Variants in AGER observed in about 807,000 individuals in gnomAD.
AGER encodes the protein advanced glycation end product-specific receptor.
A neutral mutation model predicts 48.8 loss-of-function variants in AGER; 46 were observed. The observed-to-expected ratio is 0.94, with a 90% CI of 0.74 to 1.20. AGER has a LOEUF of 1.20. Among genes scored for constraint, AGER ranks in the 50% most tolerant of loss-of-function variants. The pLI is 0.00. For missense variants in AGER, 489 were observed against 515.0 expected (o/e 0.95, Z 0.49); for synonymous variants, 170 against 199.9 (o/e 0.85, Z 1.26).
intron 4 of AGER, 47 bp from the exon 5 acceptor site, chr6:32,183,248 C>G: frequency 6.2e-7 from 1 of 1,611,918 alleles, no homozygotes; most frequent in Non-Finnish European, 8.5e-7. Context: ...ATGAGAGATG[C>G]CACACACCCA....
chr6:32,183,459 C>G, intron 3 of AGER, 71 bp from the exon 4 acceptor site: 2 of 1,605,900 alleles, frequency 1.2e-6, no homozygotes, highest in Non-Finnish European at 1.7e-6. Flanking sequence ...GGAAATGAGG[C>G]CAGTGGAAGT....
rs971829597 is a variant in AGER, at chr6:32,183,951, A to G, written c.89T>C (p.Ile30Thr). 1 of 1,613,022 alleles carries G rather than the reference A, an allele frequency of 6.2e-7. No individual in the cohort carries two copies. The highest frequency in any genetic ancestry group is 1.7e-5 in the Admixed American group (1 of 60,016). Reference protein sequence around the residue: ...VVGAQNITARIGEPLVLKCKG... With the variant: ...VVGAQNITARTGEPLVLKCKG... ...ACACTTCAGCACCAGTGGCTCGCCAATCCGGGCTGTGATGTTTTGAGCACC... is the reference window on the plus strand; with the variant it reads ...ACACTTCAGCACCAGTGGCTCGCCAGTCCGGGCTGTGATGTTTTGAGCACC... Residue 30 changes from isoleucine to threonine, a missense_variant, in exon 2 of 11, where the codon ATT (isoleucine) becomes ACT (threonine). Ile to Thr is a moderately conservative substitution (Grantham distance 89, BLOSUM62 -1). Coordinates refer to ENST00000375076, the MANE Select transcript of AGER (RefSeq NM_001136.5).
Position 32,182,571 on chromosome 6 carries a change from C to T in AGER, c.819G>A (p.Lys273=), listed in dbSNP as rs1476962264. 6.2e-7 allele frequency: 1 copy of T among 1,612,968 alleles called. No homozygotes were observed. The highest frequency in any genetic ancestry group is 8.5e-7 in the Non-Finnish European group (1 of 1,180,028). The change falls in exon 7 of 11, where the codon AAG becomes AAA. Residue 273 remains lysine, a synonymous_variant. Transcript: ENST00000375076. The surrounding 1 kb of genome is among the most constrained non-coding windows in gnomAD (Gnocchi z 5.1). The part of the protein sequence containing the change: ...AQPSPQIHWM[K]DGVPLPLPPS... ...CCCCTCTCTCCAGGTCACTCACATC[C>T]TTCATCCAGTGGATTTGAGGAGAGG...
rs1368556104 is a variant in AGER, at chr6:32,181,270, C to T, written c.1119-31G>A. On this transcript the variant is annotated intron_variant, in intron 10 of 10. Transcript: ENST00000375076. The surrounding 1 kb of genome is among the most constrained non-coding windows in gnomAD (Gnocchi z 4.1). ...GAGAAAGATTGGGGGGAATGCGGCA[C>T]GTTGTCGTTCCACCCCCCGACCCCT... 9 of 1,613,806 alleles carry T rather than the reference C, an allele frequency of 5.6e-6. No individual in the cohort carries two copies. Among genetic ancestry groups the T allele is most frequent in the African/African-American group, 5.3e-5 (4 of 74,928 alleles).
In AGER at chr6:32,182,952, C is replaced by T; in HGVS notation, c.580G>A (p.Val194Met). The T allele has an allele frequency of 6.2e-7, 1 of 1,612,732 alleles. No homozygotes were observed. The highest frequency in any genetic ancestry group is 2.2e-5 in the East Asian group (1 of 44,882). ...GLFTLQSELM[V>M]TPARGGDPRP... ...GGATCTCCTCCCCGGGCTGGGGTCA[C>T]CATTAGCTCCGACTGCAGTGTGAAG... Residue 194 changes from valine (V) to methionine (M), a missense_variant, in exon 6 of 11, where the codon GTG (valine) becomes ATG (methionine). By Grantham distance (21) the Val-to-Met change is conservative. Transcript: ENST00000375076. The surrounding 1 kb of genome is among the most constrained non-coding windows in gnomAD (Gnocchi z 5.1).
In AGER at chr6:32,183,552, T is replaced by TA. The variant is rs1356355005; in HGVS notation, c.355+2dup. The TA allele has an allele frequency of 6.2e-7, 1 of 1,612,986 alleles. No homozygotes were observed. Among genetic ancestry groups the TA allele is most frequent in the African/African-American group, 1.3e-5 (1 of 74,936 alleles). On this transcript the variant is annotated splice_region_variant and intron_variant, in intron 3 of 10. Transcript: ENST00000375076. ...GCCTTGGAGAAGACCCTGGAATTCTTACGGTAGACACGGACTCGGTAGTTG... is the reference window on the plus strand; with the variant it reads ...GCCTTGGAGAAGACCCTGGAATTCTTAACGGTAGACACGGACTCGGTAGTTG...
At position 32,181,370 on chromosome 6, in the gene AGER, G is replaced by A; in HGVS notation, c.1099C>T (p.Gln367Ter). The A allele has an allele frequency of 6.2e-7, 1 of 1,612,528 alleles. No homozygotes were observed. Among genetic ancestry groups the A allele is most frequent in the Non-Finnish European group, 8.5e-7 (1 of 1,179,086 alleles). ...ACTCACCTCTCCTCTCCTCGGCGTTGCCGCCTTTGCCACAAGATGACCCCA... is the reference window on the plus strand; with the variant it reads ...ACTCACCTCTCCTCTCCTCGGCGTTACCGCCTTTGCCACAAGATGACCCCA... ...LIGVILWQRR[Q>*]RRGEERKAPE... The change falls in exon 10 of 11, where the codon CAA (glutamine) becomes TAA (stop). Residue 367 changes from glutamine to a stop codon, truncating the protein, a stop_gained. Coordinates refer to ENST00000375076, the MANE Select transcript of AGER (RefSeq NM_001136.5). LOFTEE classifies it high-confidence loss of function. This position sits in a 1 kb window ranked among gnomAD's most constrained non-coding sequence, Gnocchi z 4.1.
At position 32,183,035 on chromosome 6, in the gene AGER, G is replaced by C; in HGVS notation, c.509-12C>G. On this transcript the variant is annotated splice_polypyrimidine_tract_variant and intron_variant, in intron 5 of 10. Coordinates refer to ENST00000375076, the MANE Select transcript of AGER (RefSeq NM_001136.5). ...CTTCACAGATACTCCTATGATGGGA[G>C]GATAAGACAAATTATCCCAGGGTGG... 1 of 1,613,104 alleles carries C rather than the reference G, an allele frequency of 6.2e-7. No homozygotes were observed.
chr6:32,183,072 A>C (rs760223411), intron 5 of AGER, 42 bp downstream of exon 5: 1 of 1,612,876 alleles, frequency 6.2e-7, no homozygotes, highest in African/African-American at 1.3e-5. Flanking sequence ...TGTGGGAGTG[A>C]GATCAGGGAG....
chr6:32,183,351 A>G lies in AGER; in HGVS notation c.393T>C (p.Ser131=). The change falls in exon 4 of 11, where the codon TCT becomes TCC. Residue 131 remains serine (S), a synonymous_variant. Transcript: ENST00000375076. The part of the protein sequence containing the change: ...PGKPEIVDSA[S]ELTAGVPNKV... ...TATTGGGAACACCAGCCGTGAGTTC[A>G]GAGGCAGAATCTACAATTTCTGGCT... 1 of 1,613,142 alleles carries G rather than the reference A, an allele frequency of 6.2e-7. No homozygotes were observed. The highest frequency in any genetic ancestry group is 8.5e-7 in the Non-Finnish European group (1 of 1,180,036).
chr6:32,184,082 G>C (rs1322234360), intron 1 of AGER, 89 bp downstream of exon 1: 1 of 1,606,946 alleles, frequency 6.2e-7, no homozygotes, highest in Non-Finnish European at 8.5e-7. Flanking sequence ...GCACTTCCTC[G>C]GGTTCTGGGA....
Position 32,183,918 on chromosome 6 carries a change from G to T in AGER, c.122C>A (p.Ala41Asp). ...GEPLVLKCKG[A>D]PKKPPQRLEW... ...CAGCCGCTGGGGTGGTTTCTTGGGG[G>T]CCCCCTTACACTTCAGCACCAGTGG... Residue 41 changes from alanine (A) to aspartate (D), a missense_variant, in exon 2 of 11, where the codon GCC (alanine) becomes GAC (aspartate). Physicochemically the swap from Ala to Asp is moderately radical, Grantham distance 126. Transcript: ENST00000375076. 6.2e-7 allele frequency: 1 copy of T among 1,613,088 alleles called. No individual in the cohort carries two copies. The highest frequency in any genetic ancestry group is 8.5e-7 in the Non-Finnish European group (1 of 1,180,028).
chr6:32,181,723 C>CT lies in AGER; in HGVS notation c.965-92dup, dbSNP rs1217441707. The CT allele has an allele frequency of 0.051, 46,846 of 911,134 alleles. No individual in the cohort carries two copies. The highest frequency in any genetic ancestry group is 0.056 in the Non-Finnish European group (37,250 of 663,960). The allele number at this position is 911,134 out of a possible 1,614,324, so 56.4% of individuals were successfully genotyped here. A position where few individuals can be genotyped will look rare whatever the true frequency, so the allele number is the denominator to read the frequency against. Reference sequence around the variant, plus strand: ...GAGCCCCAGTGGAGTCTTTCCCTTTCTTTTTTTTTTTGAGATGGAGTTTCA... The same window carrying CT: ...GAGCCCCAGTGGAGTCTTTCCCTTTCTTTTTTTTTTTTGAGATGGAGTTTCA... On this transcript the variant is annotated intron_variant, in intron 8 of 10. Transcript: ENST00000375076. The surrounding 1 kb of genome is among the most constrained non-coding windows in gnomAD (Gnocchi z 4.1).
intron 2 of AGER, 64 bp downstream of exon 2, chr6:32,183,817 C>T (rs1239357700): frequency 1.4e-5 from 23 of 1,611,422 alleles, no homozygotes; most frequent in East Asian, 8.9e-5. Context: ...GGCAGAGTGA[C>T]GGGGATCCAA....
At position 32,183,555 on chromosome 6, in the gene AGER, G is replaced by T; in HGVS notation, c.355C>A (p.Gln119Lys). ...TTGGAGAAGACCCTGGAATTCTTACGGTAGACACGGACTCGGTAGTTGGAC... is the reference window on the plus strand; with the variant it reads ...TTGGAGAAGACCCTGGAATTCTTACTGTAGACACGGACTCGGTAGTTGGAC... Reference protein sequence around the residue: ...TKSNYRVRVYQIPGKPEIVDS... With the variant: ...TKSNYRVRVYKIPGKPEIVDS... Residue 119 changes from glutamine (Q) to lysine (K), a missense_variant and splice_region_variant, in exon 3 of 11, where the codon CAG (glutamine) becomes AAG (lysine). Physicochemically the swap from Gln to Lys is moderately conservative, Grantham distance 53. Transcript: ENST00000375076. The T allele has an allele frequency of 6.2e-7, 1 of 1,613,064 alleles. No individual in the cohort carries two copies. Among genetic ancestry groups the T allele is most frequent in the Non-Finnish European group, 8.5e-7 (1 of 1,180,028 alleles).
Position 32,183,723 on chromosome 6 carries a change from C to T in AGER, c.187G>A (p.Val63Ile), listed in dbSNP as rs772117797. ...LNTGRTEAWK[V>I]LSPQGGGPWD... ...GGGCCTCCTCCCTGGGGAGACAGGA[C>T]CTTCCAAGCTTCTGTCCGGCCTGTG... The change falls in exon 3 of 11, where the codon GTC becomes ATC. Residue 63 changes from valine to isoleucine, a missense_variant. Val to Ile is a conservative substitution (Grantham distance 29). Coordinates refer to ENST00000375076, the MANE Select transcript of AGER (RefSeq NM_001136.5). The T allele has an allele frequency of 3.7e-6, 6 of 1,613,054 alleles. No individual in the cohort carries two copies. The South Asian group carries it at 6.6e-5, about 18-fold the overall frequency.
At position 32,183,261 on chromosome 6, in the gene AGER, C is replaced by T. The variant is rs201621677; in HGVS notation, c.421-60G>A. 185 of 1,612,650 alleles carry T rather than the reference C, an allele frequency of 1.1e-4. 1 individual carries two copies. Among genetic ancestry groups the T allele is most frequent in the Middle Eastern group, 6.6e-4 (4 of 6,060 alleles). ...AAATGAGAGATGCCACACACCCACA[C>T]CCACACACACTCGCCTCCTGTTCAC... On this transcript the variant is annotated intron_variant, in intron 4 of 10. Transcript: ENST00000375076.
chr6:32,184,187 C>T lies in AGER; in HGVS notation c.36G>A (p.Leu12=). 6.2e-7 allele frequency: 1 copy of T among 1,612,342 alleles called. No individual in the cohort carries two copies. Among genetic ancestry groups the T allele is most frequent in the South Asian group, 1.1e-5 (1 of 91,016 alleles). The part of the protein sequence containing the change: ...AAGTAVGAWV[L]VLSLWGAVVG... ...GTGGCTCACCCCACAGACTGAGGACCAGCACCCAGGCTCCAACTGCTGTTC... is the reference window on the plus strand; with the variant it reads ...GTGGCTCACCCCACAGACTGAGGACTAGCACCCAGGCTCCAACTGCTGTTC... The change falls in exon 1 of 11, where the codon CTG becomes CTA. Residue 12 remains leucine (L), a synonymous_variant. Coordinates refer to ENST00000375076, the MANE Select transcript of AGER (RefSeq NM_001136.5).
intron 4 of AGER, 54 bp downstream of exon 4, chr6:32,183,269 CA>C (rs1786591905): frequency 2.5e-6 from 4 of 1,612,928 alleles, no homozygotes; most frequent in Admixed American, 1.7e-5. Flanking sequence ...CACCCACACA[CA>C]CTCGCCTCCT....
Sources: allele counts gnomAD v4.1 joint callset, GRCh38; gene constraint gnomAD v4.1.1; non-coding constraint Gnocchi (gnomAD v3.1); transcripts MANE v1.5; gene names NCBI Gene and HGNC (gene_info 2026-07-23, HGNC 2026-07-21).